TEX15: variants seen among roughly 807,000 people sequenced by gnomAD.
The protein encoded by TEX15 is testis-expressed protein 15.
In TEX15, 171 loss-of-function variants were observed where a neutral mutation model predicts 237.3. That is an observed-to-expected ratio of 0.72 (90% CI 0.64 to 0.82). The LOEUF is 0.82. Among genes scored for constraint, TEX15 ranks in the 40% least tolerant of loss-of-function variants. The pLI is 0.00. For missense variants in TEX15, 3,750 were observed against 3,646.5 expected (o/e 1.03, Z -0.73); for synonymous variants, 1,338 against 1,269.8 (o/e 1.05, Z -1.14).
chr8:30,900,566 C>G (rs1808988267), intron 1 of TEX15, among the ~76,000 whole-genome samples: 1 of 152,160 alleles, frequency 6.6e-6, no homozygotes. Flanking sequence ...CTGAAGCAAA[C>G]TTGTAAGTTA....
At chr8:30,870,092 G>C (rs1808260396) in intron 4 of TEX15, among the ~76,000 whole-genome samples, 1 of 151,724 alleles carries the variant, frequency 6.6e-6, no homozygotes, top group Admixed American at 6.6e-5. Context: ...CAACACTCAA[G>C]TCTTAGAATT....
At chr8:30,891,122 T>C (rs1400688268) in intron 2 of TEX15, among the ~76,000 whole-genome samples, 4 of 152,248 alleles carry the variant, frequency 2.6e-5, no homozygotes, top group Non-Finnish European at 5.9e-5. Context: ...TTGCCCAGGC[T>C]GGTCTCAAAC....
At chr8:30,887,439 T>C (rs1488910558) in intron 2 of TEX15, 128 bp from the exon 3 acceptor site, 1 of 921,494 alleles carries the variant, frequency 1.1e-6, no homozygotes, top group African/African-American at 1.7e-5. Context: ...TGTCAGAAAG[T>C]TTCCATCTCA....
chr8:30,896,701 C>G (rs941804377), intron 2 of TEX15, among the ~76,000 whole-genome samples: 2 of 152,150 alleles, frequency 1.3e-5, no homozygotes, highest in African/African-American at 4.8e-5. Flanking sequence ...TATGCAGTAT[C>G]AAAAGAAAGC....
Position 30,843,890 on chromosome 8 carries a change from A to C in TEX15, c.6277T>G (p.Leu2093Val). The C allele has an allele frequency of 6.2e-7, 1 of 1,612,928 alleles. No homozygotes were observed. Among genetic ancestry groups the C allele is most frequent in the Non-Finnish European group, 8.5e-7 (1 of 1,179,578 alleles). The change falls in exon 8 of 11, where the codon TTA becomes GTA. Residue 2093 changes from leucine to valine, a missense_variant. Leu to Val is a conservative substitution (Grantham distance 32, BLOSUM62 1). Coordinates refer to ENST00000643185, the MANE Select transcript of TEX15 (RefSeq NM_001350162.2). The stretch of plus-strand genomic sequence containing the variant: ...CTTCGCAATGTTGGTTCACCTTCTA[A>C]GTGCCTTTTTTTGTTTTCAATGAAT... ...IQFIENKKRH[L>V]EGEPTLRSLL...
chr8:30,835,621 T>C (rs929366727), intron 10 of TEX15, among the ~76,000 whole-genome samples: 1 of 152,136 alleles, frequency 6.6e-6, no homozygotes, highest in African/African-American at 2.4e-5. Context: ...TAAAAGATGG[T>C]TATTTTTATT....
chr8:30,836,866 G>A lies in TEX15; in HGVS notation c.9418C>T (p.Pro3140Ser), dbSNP rs1055927800. The A allele has an allele frequency of 5.0e-6, 8 of 1,614,134 alleles. No homozygotes were observed. The highest frequency in any genetic ancestry group is 3.3e-4 in the Middle Eastern group (2 of 6,060). Residue 3140 changes from proline (P) to serine (S), a missense_variant, in exon 10 of 11, where the codon CCA becomes TCA. Pro to Ser is a moderately conservative substitution (Grantham distance 74, BLOSUM62 -1). Transcript: ENST00000643185. Reference sequence around the variant, plus strand: ...GGAAGGTAAGGGTATGTAGCTTGTGGTAATGGCTGATGAGAAGCATATTGT... The same window carrying A: ...GGAAGGTAAGGGTATGTAGCTTGTGATAATGGCTGATGAGAAGCATATTGT... Reference protein sequence around the residue: ...FSQYASHQPLPQATYPYLPNR... With the variant: ...FSQYASHQPLSQATYPYLPNR...
At chr8:30,906,594 GAAAA>G (rs34052778) in intron 1 of TEX15, among the ~76,000 whole-genome samples, 2 of 96,150 alleles carry the variant, frequency 2.1e-5, no homozygotes, top group African/African-American at 3.0e-5. Context: ...CATCTCAAAA[GAAAA>G]AAAAAAAAAA....
intron 2 of TEX15, 100 bp downstream of exon 2, chr8:30,898,642 C>T (rs1211956648): frequency 1.3e-5 from 2 of 152,242 alleles, no homozygotes; most frequent in Non-Finnish European, 2.9e-5. Flanking sequence ...CATCTATCTT[C>T]TTTATTGCCG....
chr8:30,865,322 A>T (rs554513984), intron 5 of TEX15, among the ~76,000 whole-genome samples: 1 of 152,246 alleles, frequency 6.6e-6, no homozygotes, highest in African/African-American at 2.4e-5. Context: ...AAACAGTAAT[A>T]AAGTCTTCAG....
At chr8:30,855,789 C>T (rs974723576) in intron 7 of TEX15, among the ~76,000 whole-genome samples, 1 of 151,976 alleles carries the variant, frequency 6.6e-6, no homozygotes, top group Non-Finnish European at 1.5e-5. Flanking sequence ...ACAACATGGA[C>T]GAACTGGGAA....
intron 9 of TEX15, among the ~76,000 whole-genome samples, chr8:30,839,177 A>G (rs917990060): frequency 3.9e-5 from 6 of 152,112 alleles, no homozygotes; most frequent in African/African-American, 1.4e-4. Flanking sequence ...TATTATGTTG[A>G]GAAGGGAAAA....
At chr8:30,872,156 T>C (rs1200160124) in intron 4 of TEX15, among the ~76,000 whole-genome samples, 3 of 152,118 alleles carry the variant, frequency 2.0e-5, no homozygotes, top group Non-Finnish European at 4.4e-5. Context: ...ATGAACTTCA[T>C]ATAGTGGATT....
At chr8:30,860,146 T>G in intron 5 of TEX15, 89 bp from the exon 6 acceptor site, 1 of 1,174,396 alleles carries the variant, frequency 8.5e-7, no homozygotes, top group Admixed American at 3.1e-5. Flanking sequence ...AGGCTAACAT[T>G]GCTTTGTTTT....
chr8:30,845,577 C>T lies in TEX15; in HGVS notation c.4590G>A (p.Gln1530=). The T allele has an allele frequency of 1.9e-6, 3 of 1,613,598 alleles. No homozygotes were observed. Among genetic ancestry groups the T allele is most frequent in the Non-Finnish European group, 2.5e-6 (3 of 1,179,616 alleles). The part of the protein sequence containing the change: ...PVSSTSQSTS[Q]SVYYNSSVSN... ...TTACACTGCTATTATAATAAACTGACTGACTTGTACTTTGGGATGTGGAGG... is the reference window on the plus strand; with the variant it reads ...TTACACTGCTATTATAATAAACTGATTGACTTGTACTTTGGGATGTGGAGG... The change falls in exon 8 of 11, where the codon CAG becomes CAA. Residue 1530 remains glutamine, a synonymous_variant. Coordinates refer to ENST00000643185, the MANE Select transcript of TEX15 (RefSeq NM_001350162.2).
rs1808979104 is a variant in TEX15 at position 30,900,068 on chromosome 8, G to A, written c.-85-1251C>T. 2.0e-5 allele frequency among the ~76,000 whole-genome samples: 3 copies of A among 151,880 alleles called. No individual in the cohort carries two copies. The South Asian group carries it at 6.2e-4, about 32-fold the overall frequency. On this transcript the variant is annotated intron_variant, in intron 1 of 10. Coordinates refer to ENST00000643185, the MANE Select transcript of TEX15 (RefSeq NM_001350162.2). ...ATCTTTTTTCTTTTCTCCAAGTTAA[G>A]CATCCAAAAAAAGGTCAAAAGCTAT...
At chr8:30,835,031 G>A (rs1190857107) in intron 10 of TEX15, among the ~76,000 whole-genome samples, 1 of 152,090 alleles carries the variant, frequency 6.6e-6, no homozygotes, top group African/African-American at 2.4e-5. Flanking sequence ...CACTTTGCAA[G>A]GCAGGGGCAG....
At position 30,838,406 on chromosome 8, in the gene TEX15, C is replaced by A. The variant is rs183931108; in HGVS notation, c.8223-345G>T. Among the ~76,000 whole-genome samples the A allele has an allele frequency of 8.2e-4, 125 of 152,054 alleles. 1 individual carries two copies. The highest frequency in any genetic ancestry group is 4.8e-3 in the East Asian group (25 of 5,162). On this transcript the variant is annotated intron_variant, in intron 9 of 10. Coordinates refer to ENST00000643185, the MANE Select transcript of TEX15 (RefSeq NM_001350162.2). ...AGTTTTTTAATTCATATGCCTCCTGCCTGATGATCTTCATTACTTGTAAAT... is the reference window on the plus strand; with the variant it reads ...AGTTTTTTAATTCATATGCCTCCTGACTGATGATCTTCATTACTTGTAAAT...
intron 5 of TEX15, among the ~76,000 whole-genome samples, chr8:30,860,505 C>A (rs993743036): frequency 6.6e-5 from 10 of 151,580 alleles, no homozygotes; most frequent in Admixed American, 6.6e-4. Flanking sequence ...TATGTCAATT[C>A]TCCCCCAAAT....
Sources: allele counts gnomAD v4.1 joint callset (sites outside exome capture counted in the v4.1 genomes callset), GRCh38; gene constraint gnomAD v4.1.1; transcripts MANE v1.5; gene names NCBI Gene and HGNC (gene_info 2026-07-23, HGNC 2026-07-21).